Variants in CRPPA observed in about 807,000 individuals in gnomAD.
CRPPA encodes the protein D-ribitol-5-phosphate cytidylyltransferase.
A neutral mutation model predicts 52.0 loss-of-function variants in CRPPA; 43 were observed. The observed-to-expected ratio is 0.83, with a 90% CI of 0.65 to 1.07. The LOEUF (loss-of-function observed/expected upper bound fraction) is 1.07. CRPPA is among the 50% of genes least tolerant of loss of function. The probability of loss-of-function intolerance (pLI) is 0.00; values close to 1 mark genes in which losing one functional copy is unlikely to be tolerated. For synonymous variants in CRPPA, 250 were observed against 203.5 expected, an observed-to-expected ratio of 1.23 and a Z score of -1.94; for missense variants, 629 against 551.7, an observed-to-expected ratio of 1.14 and a Z score of -1.40.
intron 8 of CRPPA, among the ~76,000 whole-genome samples, chr7:16,241,973 G>GTGGGGT (rs1249826023): frequency 2.8e-5 from 3 of 106,580 alleles, no homozygotes; most frequent in South Asian, 3.0e-4. Flanking sequence ...TTTTTTGTTG[G>GTGGGGT]GGGGAGATAG....
At chr7:16,363,731 A>G (rs1786517694) in intron 3 of CRPPA, among the ~76,000 whole-genome samples, 1 of 152,218 alleles carries the variant, frequency 6.6e-6, no homozygotes, top group Non-Finnish European at 1.5e-5. Flanking sequence ...GGAGGTCCTG[A>G]CCAAAGCAAC....
At chr7:16,257,870 T>G (rs1268742860) in intron 8 of CRPPA, among the ~76,000 whole-genome samples, 1 of 152,130 alleles carries the variant, frequency 6.6e-6, no homozygotes, top group African/African-American at 2.4e-5. Flanking sequence ...ATTAAATGTA[T>G]ACTTTTAGAT....
At chr7:16,176,733 T>C (rs934197265) in intron 9 of CRPPA, among the ~76,000 whole-genome samples, 1 of 138,180 alleles carries the variant, frequency 7.2e-6, no homozygotes, top group African/African-American at 2.5e-5. Flanking sequence ...TGCACCACCA[T>C]ACCTGGCAAA....
intron 9 of CRPPA, among the ~76,000 whole-genome samples, chr7:16,113,032 C>T (rs781236313): frequency 1.8e-4 from 27 of 151,660 alleles, no homozygotes; most frequent in African/African-American, 3.6e-4. Flanking sequence ...TTTTAAACTA[C>T]GTAAAATATT....
chr7:16,343,879 T>C (rs917385818), intron 3 of CRPPA, among the ~76,000 whole-genome samples: 10 of 152,214 alleles, frequency 6.6e-5, no homozygotes, highest in Non-Finnish European at 4.4e-5. Context: ...ATAGCACCTC[T>C]GAGCTTTAAG....
chr7:16,183,262 A>C (rs1414201346), intron 9 of CRPPA, among the ~76,000 whole-genome samples: 2 of 152,200 alleles, frequency 1.3e-5, no homozygotes, highest in Non-Finnish European at 2.9e-5. Flanking sequence ...TGATGTTCCT[A>C]ACATGGGAAA....
intron 5 of CRPPA, among the ~76,000 whole-genome samples, chr7:16,293,229 C>T (rs1428813121): frequency 6.6e-6 from 1 of 151,894 alleles, no homozygotes; most frequent in African/African-American, 2.4e-5. Context: ...TGCAATTCTT[C>T]CATCGAGCCT....
intron 3 of CRPPA, among the ~76,000 whole-genome samples, chr7:16,351,516 C>T (rs1786151539): frequency 6.6e-6 from 1 of 151,748 alleles, no homozygotes; most frequent in Admixed American, 6.6e-5. Flanking sequence ...ATCCATCTGA[C>T]AAAGGTCAAA....
At chr7:16,222,489 A>G (rs1343892471) in intron 8 of CRPPA, among the ~76,000 whole-genome samples, 3 of 152,066 alleles carry the variant, frequency 2.0e-5, no homozygotes, top group African/African-American at 7.2e-5. Context: ...CTAATATTCT[A>G]TTTCGCTTAC....
chr7:16,316,708 T>C (rs998473004), intron 3 of CRPPA, among the ~76,000 whole-genome samples: 1 of 151,944 alleles, frequency 6.6e-6, no homozygotes, highest in African/African-American at 2.4e-5. Context: ...AGGTAAAATA[T>C]TAGTCATGTG....
At chr7:16,266,466 C>A (rs1384991214) in intron 6 of CRPPA, among the ~76,000 whole-genome samples, 2 of 146,274 alleles carry the variant, frequency 1.4e-5, no homozygotes, top group Non-Finnish European at 3.0e-5. Flanking sequence ...ATTTAAGGCT[C>A]CCGTTTTTTG....
chr7:16,372,768 A>G (rs1476835151), intron 3 of CRPPA, among the ~76,000 whole-genome samples: 3 of 152,236 alleles, frequency 2.0e-5, no homozygotes, highest in Non-Finnish European at 4.4e-5. Context: ...AAGCCAACCA[A>G]GTATCTGCTG....
Position 16,146,721 on chromosome 7 carries a change from T to C in CRPPA, c.1252-54922A>G, listed in dbSNP as rs12699770. Among the ~76,000 whole-genome samples, 1,209 of 152,240 alleles carry C rather than the reference T, an allele frequency of 7.9e-3. 11 individuals carry two copies. Among genetic ancestry groups the C allele is most frequent in the Middle Eastern group, 0.044 (13 of 294 alleles). On this transcript the variant is annotated intron_variant, in intron 9 of 9. Coordinates refer to ENST00000407010, the MANE Select transcript of CRPPA (RefSeq NM_001101426.4). The stretch of plus-strand genomic sequence containing the variant: ...ACTGTTATACCTATAAGATGTTTTA[T>C]GTAAGCCTCATGGTAATCACAAAGA...
chr7:16,416,669 T>G (rs1212887182), intron 1 of CRPPA, among the ~76,000 whole-genome samples: 1 of 137,110 alleles, frequency 7.3e-6, no homozygotes, highest in South Asian at 2.6e-4. Flanking sequence ...ACCCCATTTC[T>G]ACAAACAAAT....
At chr7:16,193,811 G>T (rs137990023) in intron 9 of CRPPA, among the ~76,000 whole-genome samples, 3 of 151,998 alleles carry the variant, frequency 2.0e-5, no homozygotes, top group African/African-American at 7.2e-5. Context: ...TCCTCCGTGC[G>T]CTTATCCCCT....
chr7:16,411,297 TG>T (rs1360598080), intron 1 of CRPPA, among the ~76,000 whole-genome samples: 1 of 152,166 alleles, frequency 6.6e-6, no homozygotes, highest in Non-Finnish European at 1.5e-5. Flanking sequence ...AGTCTGACTC[TG>T]GGGCCTATAA....
intron 9 of CRPPA, among the ~76,000 whole-genome samples, chr7:16,150,550 G>A (rs1783058179): frequency 6.6e-6 from 1 of 152,200 alleles, no homozygotes; most frequent in Non-Finnish European, 1.5e-5. Flanking sequence ...ATATGAAACA[G>A]GAAATCCATG....
intron 9 of CRPPA, among the ~76,000 whole-genome samples, chr7:16,108,400 C>G (rs898246654): frequency 6.6e-6 from 1 of 151,814 alleles, no homozygotes; most frequent in Non-Finnish European, 1.5e-5. Context: ...AAAGGGTCAA[C>G]ATAATATAAC....
At chr7:16,252,334 C>G (rs879894546) in intron 8 of CRPPA, among the ~76,000 whole-genome samples, 8 of 152,116 alleles carry the variant, frequency 5.3e-5, no homozygotes, top group Non-Finnish European at 1.0e-4. Flanking sequence ...CAGAAAAGGC[C>G]TTTGACAAAA....
Sources: allele counts gnomAD v4.1 joint callset (sites outside exome capture counted in the v4.1 genomes callset), GRCh38; gene constraint gnomAD v4.1.1; transcripts MANE v1.5; gene names NCBI Gene and HGNC (gene_info 2026-07-23, HGNC 2026-07-21).